TRMT9B: variants seen among roughly 807,000 people sequenced by gnomAD.
The protein encoded by TRMT9B is probable tRNA methyltransferase 9B.
In TRMT9B, 16 loss-of-function variants were observed where a neutral mutation model predicts 11.5. The observed-to-expected ratio is 1.39, with a 90% CI of 0.94 to 2.11. The LOEUF is 2.11. Among genes scored for constraint, TRMT9B ranks in the 30% most tolerant of loss-of-function variants. The probability of loss-of-function intolerance (pLI) is 0.00; values close to 1 mark genes in which losing one functional copy is unlikely to be tolerated. For missense variants in TRMT9B, 941 were observed against 553.8 expected, an observed-to-expected ratio of 1.70 and a Z score of -7.02; for synonymous variants, 274 against 192.4, an observed-to-expected ratio of 1.42 and a Z score of -3.51.
At chr8:13,012,172 T>C in intron 3 of TRMT9B, 1 of 985,574 alleles carries the variant, frequency 1.0e-6, no homozygotes, top group Non-Finnish European at 1.2e-6. Flanking sequence ...TTTTTTCCTA[T>C]TGCCTTTCTC....
At chr8:12,962,931 G>A (rs1004018587) in intron 1 of TRMT9B, among the ~76,000 whole-genome samples, 12 of 152,206 alleles carry the variant, frequency 7.9e-5, no homozygotes, top group African/African-American at 2.9e-4. Context: ...TGCTATAGAC[G>A]AGGTAGGGCT....
At chr8:12,983,793 A>G (rs988593440) in intron 1 of TRMT9B, among the ~76,000 whole-genome samples, 3 of 152,214 alleles carry the variant, frequency 2.0e-5, no homozygotes, top group African/African-American at 4.8e-5. Context: ...TACAGGGTAC[A>G]GTAGCCTTTT....
chr8:12,974,844 G>C (rs761179392), intron 1 of TRMT9B, among the ~76,000 whole-genome samples: 1 of 152,048 alleles, frequency 6.6e-6, no homozygotes, highest in African/African-American at 2.4e-5. Flanking sequence ...AGCTCTTCAC[G>C]CCTGAGGTTG....
intron 2 of TRMT9B, among the ~76,000 whole-genome samples, chr8:12,996,549 C>T (rs2128882309): frequency 6.6e-6 from 1 of 152,290 alleles, no homozygotes; most frequent in Admixed American, 6.5e-5. Context: ...CAGTGATCTC[C>T]AATTTCTAGC....
At chr8:12,977,851 C>A (rs553687997) in intron 1 of TRMT9B, among the ~76,000 whole-genome samples, 1 of 140,198 alleles carries the variant, frequency 7.1e-6, no homozygotes. Context: ...CCTATCTCTA[C>A]AAAAAAAAAA....
At chr8:12,945,998 A>T (rs1323002213) in intron 1 of TRMT9B, 32 bp downstream of exon 1, 1 of 152,110 alleles carries the variant, frequency 6.6e-6, no homozygotes, top group African/African-American at 2.4e-5. Flanking sequence ...TGCACATTTT[A>T]GTTGTGATAT....
At chr8:12,974,959 A>G (rs1294809469) in intron 1 of TRMT9B, among the ~76,000 whole-genome samples, 1 of 152,178 alleles carries the variant, frequency 6.6e-6, no homozygotes, top group Non-Finnish European at 1.5e-5. Context: ...GAACTTTGCC[A>G]TAAAAGGAAG....
intron 1 of TRMT9B, among the ~76,000 whole-genome samples, chr8:12,978,712 A>G (rs1563348384): frequency 6.6e-6 from 1 of 152,186 alleles, no homozygotes; most frequent in Non-Finnish European, 1.5e-5. Flanking sequence ...TTTAACCAAG[A>G]CATACACAGC....
chr8:12,947,813 A>T (rs1051281032), intron 1 of TRMT9B, among the ~76,000 whole-genome samples: 4 of 152,204 alleles, frequency 2.6e-5, no homozygotes, highest in African/African-American at 9.6e-5. Flanking sequence ...AGTCCACAGG[A>T]CATGCTAGAT....
At chr8:12,972,521 C>G (rs1803793216) in intron 1 of TRMT9B, among the ~76,000 whole-genome samples, 1 of 152,288 alleles carries the variant, frequency 6.6e-6, no homozygotes, top group East Asian at 1.9e-4. Context: ...CCAACTCTGG[C>G]AGGAACAGGA....
intron 1 of TRMT9B, among the ~76,000 whole-genome samples, chr8:12,970,307 C>G (rs1346475755): frequency 1.3e-5 from 2 of 152,210 alleles, no homozygotes; most frequent in Non-Finnish European, 2.9e-5. Flanking sequence ...AAGCCTATTT[C>G]TCCTCATTTA....
intron 1 of TRMT9B, among the ~76,000 whole-genome samples, chr8:12,982,118 C>T (rs956910541): frequency 1.3e-5 from 2 of 152,112 alleles, no homozygotes; most frequent in African/African-American, 4.8e-5. Flanking sequence ...CATGTCTTTG[C>T]CCTCAAGTAA....
intron 3 of TRMT9B, chr8:13,012,050 C>G (rs1585364717): frequency 1.0e-6 from 1 of 985,340 alleles, no homozygotes; most frequent in East Asian, 1.1e-4. Context: ...TACACGTGGT[C>G]TCTCGGATAC....
chr8:13,015,581 A>G (rs1010876413), intron 4 of TRMT9B, among the ~76,000 whole-genome samples: 65 of 152,236 alleles, frequency 4.3e-4, no homozygotes, highest in African/African-American at 1.5e-3. Context: ...CCTGAAGTCC[A>G]GGGCTCAACC....
At chr8:13,016,706 A>G (rs2466249) in intron 4 of TRMT9B, among the ~76,000 whole-genome samples, 64,863 of 151,182 alleles carry the variant, frequency 0.43, 14,462 homozygotes, top group East Asian at 0.61. Flanking sequence ...AGGAGCAATC[A>G]ACAATGCCCT....
At chr8:12,999,440 G>A (rs1332725367) in intron 2 of TRMT9B, among the ~76,000 whole-genome samples, 4 of 151,714 alleles carry the variant, frequency 2.6e-5, no homozygotes, top group South Asian at 4.2e-4. Flanking sequence ...ACACGCATAC[G>A]CACACACATA....
intron 1 of TRMT9B, among the ~76,000 whole-genome samples, chr8:12,979,105 C>G (rs1042983200): frequency 1.4e-4 from 22 of 152,144 alleles, no homozygotes; most frequent in African/African-American, 5.1e-4. Flanking sequence ...TGAGCTCTCT[C>G]CCTCTTACAG....
chr8:13,011,276 G>T, intron 3 of TRMT9B: 5 of 984,810 alleles, frequency 5.1e-6, no homozygotes, highest in Non-Finnish European at 4.8e-6. Context: ...ATGAGCCACC[G>T]CGCCAGACCC....
intron 3 of TRMT9B, chr8:13,011,232 C>G: frequency 1.2e-6 from 1 of 857,888 alleles, no homozygotes. Context: ...GTGATCCGCC[C>G]ACCACAGCCT....
Sources: allele counts gnomAD v4.1 joint callset (sites outside exome capture counted in the v4.1 genomes callset), GRCh38; gene constraint gnomAD v4.1.1; transcripts MANE v1.5; gene names NCBI Gene and HGNC (gene_info 2026-07-23, HGNC 2026-07-21).